The following AGBL1 variants were observed in gnomAD, a reference collection of about 807,000 sequenced individuals.
The protein encoded by AGBL1 is cytosolic carboxypeptidase 4.
A neutral mutation model predicts 118.9 loss-of-function variants in AGBL1; 130 were observed. That is an observed-to-expected ratio of 1.09 (90% CI 0.95 to 1.26). The LOEUF is 1.26. Among genes scored for constraint, AGBL1 ranks in the 50% most tolerant of loss-of-function variants. The pLI is 0.00. For synonymous variants in AGBL1, 555 were observed against 478.9 expected (o/e 1.16, Z -2.08); for missense variants, 1,584 against 1,298.1 (o/e 1.22, Z -3.38).
rs191200459 is a variant in AGBL1 at position 86,419,116 on chromosome 15, C to T, written c.2555+21570C>T. On this transcript the variant is annotated intron_variant, in intron 18 of 22. Transcript: ENST00000614907. ...TCCTGCATATCTTGGCACTTTTGTC[C>T]ACATGTGGTAAGCTTTCAGGGGTTA... Among the ~76,000 whole-genome samples the T allele has an allele frequency of 3.1e-3, 478 of 151,764 alleles. 1 individual carries two copies. Among genetic ancestry groups the T allele is most frequent in the African/African-American group, 0.011 (451 of 41,348 alleles).
chr15:86,741,952 A>G (rs2077685868), intron 22 of AGBL1, among the ~76,000 whole-genome samples: 1 of 151,350 alleles, frequency 6.6e-6, no homozygotes, highest in Non-Finnish European at 1.5e-5. Context: ...ATCTAGGTCC[A>G]TATTAATTCT....
chr15:86,782,919 G>A (rs1169494319), intron 22 of AGBL1, among the ~76,000 whole-genome samples: 3 of 152,176 alleles, frequency 2.0e-5, no homozygotes, highest in Non-Finnish European at 4.4e-5. Flanking sequence ...GTCAACGTCT[G>A]ATTGAAGGGA....
chr15:86,828,279 T>C (rs749921159), intron 22 of AGBL1, among the ~76,000 whole-genome samples: 2 of 152,020 alleles, frequency 1.3e-5, no homozygotes, highest in Non-Finnish European at 2.9e-5. Context: ...GATTTCTTGA[T>C]CATTCTGGCA....
intron 23 of AGBL1, among the ~76,000 whole-genome samples, chr15:86,957,263 T>C (rs538861823): frequency 6.6e-6 from 1 of 152,234 alleles, no homozygotes; most frequent in African/African-American, 2.4e-5. Context: ...TCTACTAAAA[T>C]CCTACAGAAA....
intron 6 of AGBL1, among the ~76,000 whole-genome samples, chr15:86,240,669 G>A (rs1047787586): frequency 1.3e-5 from 2 of 152,132 alleles, no homozygotes; most frequent in African/African-American, 4.8e-5. Flanking sequence ...TCTGAGAAGG[G>A]GGTTTCTATC....
At chr15:86,631,311 A>AC (rs2084961125) in intron 21 of AGBL1, among the ~76,000 whole-genome samples, 1 of 151,988 alleles carries the variant, frequency 6.6e-6, no homozygotes, top group Admixed American at 6.5e-5. Flanking sequence ...TTTGGGGAGA[A>AC]AAAAAAGTCA....
chr15:86,543,162 T>C (rs753706206), intron 19 of AGBL1, among the ~76,000 whole-genome samples: 17 of 148,702 alleles, frequency 1.1e-4, no homozygotes, highest in Middle Eastern at 7.0e-3. Context: ...ACATTTGAAT[T>C]ATTATTCATG....
At chr15:86,193,237 C>G (rs200679480) in intron 5 of AGBL1, among the ~76,000 whole-genome samples, 1 of 152,132 alleles carries the variant, frequency 6.6e-6, no homozygotes, top group East Asian at 1.9e-4. Context: ...GCCCAGCTTC[C>G]CCAAAGCATT....
At chr15:86,289,730 A>T (rs1224027149) in intron 16 of AGBL1, among the ~76,000 whole-genome samples, 1 of 152,040 alleles carries the variant, frequency 6.6e-6, no homozygotes, top group Middle Eastern at 3.4e-3. Context: ...TTTGGCTCTG[A>T]CTTCTTATCT....
At chr15:86,612,146 A>G (rs1036522443) in intron 21 of AGBL1, among the ~76,000 whole-genome samples, 4 of 151,864 alleles carry the variant, frequency 2.6e-5, no homozygotes, top group African/African-American at 9.7e-5. Context: ...TTTTTGGGAG[A>G]TTGTAGGGGG....
intron 18 of AGBL1, among the ~76,000 whole-genome samples, chr15:86,464,813 T>A (rs773831852): frequency 1.3e-5 from 2 of 152,172 alleles, no homozygotes; most frequent in Non-Finnish European, 2.9e-5. Flanking sequence ...ATGGATAAGC[T>A]TTTTAACATG....
chr15:86,384,836 T>A (rs1278701786), intron 17 of AGBL1, among the ~76,000 whole-genome samples: 4 of 152,126 alleles, frequency 2.6e-5, no homozygotes. Flanking sequence ...AAATACGAGT[T>A]GGTAATATTT....
rs756467636 is a variant in AGBL1 at position 86,143,738 on chromosome 15, G to A, written c.155G>A (p.Gly52Asp). The A allele has an allele frequency of 5.6e-6, 9 of 1,613,850 alleles. No individual in the cohort carries two copies. Among genetic ancestry groups the A allele is most frequent in the Non-Finnish European group, 7.6e-6 (9 of 1,179,800 alleles). The change falls in exon 3 of 23, where the codon GGC (glycine) becomes GAC (aspartate). Residue 52 changes from glycine to aspartate, a missense_variant. Physicochemically the swap from Gly to Asp is moderately conservative, Grantham distance 94. Coordinates refer to ENST00000614907, the MANE Select transcript of AGBL1 (RefSeq NM_001386094.1). Reference protein sequence around the residue: ...RRIHYMISKGGSEALLQTLVD... With the variant: ...RRIHYMISKGDSEALLQTLVD... ...ATTCACTACATGATCAGCAAGGGTGGCAGTGAAGCTCTTCTGCAGACCCTG... is the reference window on the plus strand; with the variant it reads ...ATTCACTACATGATCAGCAAGGGTGACAGTGAAGCTCTTCTGCAGACCCTG...
At chr15:86,334,921 A>G (rs1385182388) in intron 17 of AGBL1, among the ~76,000 whole-genome samples, 2 of 152,206 alleles carry the variant, frequency 1.3e-5, no homozygotes, top group African/African-American at 4.8e-5. Context: ...ATGAAAATCA[A>G]CAGGCATATT....
In AGBL1 at chr15:86,880,261, G is replaced by A. The variant is rs12324247; in HGVS notation, c.3159-26826G>A. The stretch of plus-strand genomic sequence containing the variant: ...TAAAATTATGTCAGTGATAAAGTAA[G>A]AAATTCACTCATTTAGAGGACTCAT... On this transcript the variant is annotated intron_variant, in intron 22 of 22. Coordinates refer to ENST00000614907, the MANE Select transcript of AGBL1 (RefSeq NM_001386094.1). Among the ~76,000 whole-genome samples, 11 of 152,254 alleles carry A rather than the reference G, an allele frequency of 7.2e-5. No homozygotes were observed. In the South Asian group the frequency reaches 1.9e-3, roughly 26 times the overall value.
At chr15:86,490,018 G>C (rs572509515) in intron 18 of AGBL1, among the ~76,000 whole-genome samples, 7 of 152,188 alleles carry the variant, frequency 4.6e-5, no homozygotes, top group African/African-American at 1.7e-4. Context: ...AGGCATACTG[G>C]AGTACCCAGG....
At chr15:86,574,232 C>A (rs1042509500) in intron 21 of AGBL1, among the ~76,000 whole-genome samples, 1 of 152,202 alleles carries the variant, frequency 6.6e-6, no homozygotes, top group African/African-American at 2.4e-5. Context: ...CCCTACCTTC[C>A]TGTTTCCTGT....
intron 5 of AGBL1, among the ~76,000 whole-genome samples, chr15:86,175,970 G>A (rs1342301746): frequency 2.0e-5 from 3 of 152,152 alleles, no homozygotes; most frequent in Admixed American, 6.5e-5. Flanking sequence ...GTAGCTGTTT[G>A]GTGAAATGTT....
At chr15:86,130,648 C>A (rs969519930) in intron 1 of AGBL1, among the ~76,000 whole-genome samples, 2 of 152,146 alleles carry the variant, frequency 1.3e-5, no homozygotes, top group Non-Finnish European at 2.9e-5. Flanking sequence ...AGTTTAAATG[C>A]TTGGTATAGA....
Sources: allele counts gnomAD v4.1 joint callset (sites outside exome capture counted in the v4.1 genomes callset), GRCh38; gene constraint gnomAD v4.1.1; transcripts MANE v1.5; gene names NCBI Gene and HGNC (gene_info 2026-07-23, HGNC 2026-07-21).